Variants in GRM1 observed in about 807,000 individuals in gnomAD.
The protein encoded by GRM1 is metabotropic glutamate receptor 1.
Under a neutral mutation model 90.9 loss-of-function variants are expected in GRM1, and 33 were observed. That is an observed-to-expected ratio of 0.36 (90% CI 0.28 to 0.49). The LOEUF is 0.49. GRM1 is among the 20% of genes least tolerant of loss of function. The pLI is 0.99. For synonymous variants in GRM1, 700 were observed against 613.2 expected (o/e 1.14, Z -2.09); for missense variants, 1,190 against 1,534.3 (o/e 0.78, Z 3.75).
At chr6:146,364,978 A>C (rs1473269184) in intron 5 of GRM1, 1 of 152,134 alleles carries the variant, frequency 6.6e-6, no homozygotes, top group African/African-American at 2.4e-5. Context: ...CAAACTAACC[A>C]TCTAAATCAT....
chr6:146,205,825 G>A (rs1779476165), intron 2 of GRM1, among the ~76,000 whole-genome samples: 1 of 152,142 alleles, frequency 6.6e-6, no homozygotes, highest in Non-Finnish European at 1.5e-5. Flanking sequence ...CCCTGCCCCT[G>A]TCCTGATTAA....
intron 2 of GRM1, among the ~76,000 whole-genome samples, chr6:146,238,545 A>G (rs1355323122): frequency 6.6e-6 from 1 of 152,096 alleles, no homozygotes; most frequent in Non-Finnish European, 1.5e-5. Flanking sequence ...AAGGGTACGT[A>G]CCCTTCAGTA....
chr6:146,301,226 C>A (rs1336768300), intron 2 of GRM1, among the ~76,000 whole-genome samples: 1 of 152,084 alleles, frequency 6.6e-6, no homozygotes, highest in East Asian at 1.9e-4. Context: ...TTAACAACAA[C>A]TCTAACTTCT....
At chr6:146,283,331 T>C (rs1454354047) in intron 2 of GRM1, among the ~76,000 whole-genome samples, 3 of 152,330 alleles carry the variant, frequency 2.0e-5, no homozygotes, top group African/African-American at 7.2e-5. Flanking sequence ...GTTGAAGTCC[T>C]GAGTTAAGAA....
intron 1 of GRM1, among the ~76,000 whole-genome samples, chr6:146,127,032 G>A (rs1776223305): frequency 6.6e-6 from 1 of 152,144 alleles, no homozygotes; most frequent in East Asian, 1.9e-4. Context: ...CATTGCTAGG[G>A]CTCCTCCCAG....
chr6:146,259,623 T>C (rs1342334161), intron 2 of GRM1, among the ~76,000 whole-genome samples: 1 of 152,160 alleles, frequency 6.6e-6, no homozygotes, highest in African/African-American at 2.4e-5. Flanking sequence ...TTGTTTCAGA[T>C]GGTAGAGTTT....
chr6:146,277,408 A>G (rs975882910), intron 2 of GRM1, among the ~76,000 whole-genome samples: 3 of 152,192 alleles, frequency 2.0e-5, no homozygotes, highest in Non-Finnish European at 4.4e-5. Context: ...GGTTAGATCA[A>G]ATAGTTTAGG....
intron 1 of GRM1, among the ~76,000 whole-genome samples, chr6:146,107,973 T>G (rs1397078095): frequency 2.6e-5 from 4 of 152,220 alleles, no homozygotes. Flanking sequence ...TTCTCTACTT[T>G]ATGCTGAAGA....
At chr6:146,090,630 C>T (rs1433310181) in intron 1 of GRM1, among the ~76,000 whole-genome samples, 1 of 152,076 alleles carries the variant, frequency 6.6e-6, no homozygotes, top group East Asian at 1.9e-4. Flanking sequence ...CAGCATGAGT[C>T]AGGGCAAGTT....
At chr6:146,214,690 T>A (rs1291126727) in intron 2 of GRM1, among the ~76,000 whole-genome samples, 2 of 152,128 alleles carry the variant, frequency 1.3e-5, no homozygotes, top group East Asian at 1.9e-4. Context: ...ATGTCCAAAA[T>A]GCTACAAGAG....
intron 1 of GRM1, among the ~76,000 whole-genome samples, chr6:146,069,803 A>G (rs1394561968): frequency 6.6e-6 from 1 of 152,196 alleles, no homozygotes; most frequent in East Asian, 1.9e-4. Context: ...CACTATTTCT[A>G]TGACCACTAT....
chr6:146,169,614 C>G (rs1441810959), intron 2 of GRM1, among the ~76,000 whole-genome samples: 1 of 152,194 alleles, frequency 6.6e-6, no homozygotes, highest in Non-Finnish European at 1.5e-5. Context: ...CCTGCTTCAA[C>G]CTTCCCAAAC....
chr6:146,344,024 C>A (rs1785083476), intron 3 of GRM1, among the ~76,000 whole-genome samples: 2 of 152,302 alleles, frequency 1.3e-5, no homozygotes, highest in South Asian at 4.1e-4. Context: ...AAACATGTAT[C>A]TGTAATCATT....
intron 1 of GRM1, among the ~76,000 whole-genome samples, chr6:146,030,766 T>G (rs1224749204): frequency 6.6e-6 from 1 of 152,246 alleles, no homozygotes; most frequent in East Asian, 1.9e-4. Context: ...TCCCTCAGTA[T>G]ATCAGAAACT....
At chr6:146,105,192 A>G (rs980469756) in intron 1 of GRM1, among the ~76,000 whole-genome samples, 3 of 152,188 alleles carry the variant, frequency 2.0e-5, no homozygotes, top group African/African-American at 7.2e-5. Flanking sequence ...GTTTGAGTAG[A>G]ATGTTTGATG....
chr6:146,433,545 TGTG>T, intron 7 of GRM1, among the ~76,000 whole-genome samples: 1 of 151,714 alleles, frequency 6.6e-6, no homozygotes, highest in Non-Finnish European at 1.5e-5. Flanking sequence ...TGTGTGTGTG[TGTG>T]TGTGTGTGTG....
chr6:146,409,282 T>TATC (rs1777473955), intron 7 of GRM1, among the ~76,000 whole-genome samples: 1 of 152,238 alleles, frequency 6.6e-6, no homozygotes, highest in South Asian at 2.1e-4. Flanking sequence ...AGTTCACATG[T>TATC]TATTATAGGT....
intron 7 of GRM1, among the ~76,000 whole-genome samples, chr6:146,418,505 T>C (rs923545727): frequency 6.6e-6 from 1 of 151,868 alleles, no homozygotes; most frequent in Non-Finnish European, 1.5e-5. Context: ...TTTATGTATA[T>C]CCTCATTTTA....
intron 2 of GRM1, among the ~76,000 whole-genome samples, chr6:146,188,534 T>A (rs1487095079): frequency 1.3e-5 from 2 of 152,158 alleles, no homozygotes; most frequent in East Asian, 1.9e-4. Context: ...CTCCCATGAA[T>A]ATTATCCTAC....
Sources: gnomAD v4.1 joint callset for allele counts (sites outside exome capture counted in the v4.1 genomes callset) on GRCh38, gnomAD v4.1.1 for gene constraint, MANE v1.5 for transcripts, NCBI Gene and HGNC (gene_info 2026-07-23, HGNC 2026-07-21) for gene names.